Variants in CRYL1 observed in about 807,000 individuals in gnomAD.
The protein encoded by CRYL1 is crystallin lambda 1.
Under a neutral mutation model 36.6 loss-of-function variants are expected in CRYL1, and 29 were observed. The observed-to-expected ratio is 0.79, with a 90% confidence interval of 0.59 to 1.08. The LOEUF is 1.08. CRYL1 is among the 50% of genes least tolerant of loss of function. CRYL1 has a pLI of 0.00. For missense variants in CRYL1, 411 were observed against 407.9 expected, an observed-to-expected ratio of 1.01 and a Z score of -0.06; for synonymous variants, 152 against 151.5, an observed-to-expected ratio of 1.00 and a Z score of -0.02.
At chr13:20,482,739 C>G (rs1243235073) in intron 3 of CRYL1, among the ~76,000 whole-genome samples, 2 of 150,814 alleles carry the variant, frequency 1.3e-5, no homozygotes, top group South Asian at 2.1e-4. Flanking sequence ...GGCAAGCAGT[C>G]TGTGTGTGTG....
chr13:20,424,723 A>G (rs1437717100), intron 5 of CRYL1, among the ~76,000 whole-genome samples: 5 of 152,204 alleles, frequency 3.3e-5, no homozygotes, highest in South Asian at 4.1e-4. Context: ...GAGCCCGCAC[A>G]GGCCTAGCCC....
intron 2 of CRYL1, among the ~76,000 whole-genome samples, chr13:20,504,089 AGT>A (rs1163121677): frequency 1.1e-4 from 17 of 152,182 alleles, no homozygotes; most frequent in Admixed American, 9.8e-4. Flanking sequence ...CAGACAAGGC[AGT>A]GTGTTTGGCT....
chr13:20,525,622 G>T lies in CRYL1; in HGVS notation c.41+132C>A. On this transcript the variant is annotated intron_variant, in intron 1 of 7. Transcript: ENST00000298248. This position sits in a 1 kb window ranked among gnomAD's most constrained non-coding sequence, Gnocchi z 4.3. ...AGCGCCGTAGGGGCCGCAGGGCGCA[G>T]GGCTTCGGAGGACCGGAGGCCGGGG... is the stretch of plus-strand genomic sequence containing the variant. 1.4e-6 allele frequency: 1 copy of T among 725,898 alleles called. No individual in the cohort carries two copies. The highest frequency in any genetic ancestry group is 1.9e-6 in the Non-Finnish European group (1 of 527,398). 45.0% of individuals were successfully genotyped at this position (725,898 alleles called of 1,614,324 possible). A position where few individuals can be genotyped will look rare whatever the true frequency, so the allele number is the denominator to read the frequency against.
intron 3 of CRYL1, among the ~76,000 whole-genome samples, chr13:20,467,548 G>A (rs2032964212): frequency 1.3e-5 from 2 of 152,116 alleles, no homozygotes; most frequent in Non-Finnish European, 2.9e-5. Context: ...TGGGCCTTGC[G>A]TGGTAGCTCA....
intron 3 of CRYL1, among the ~76,000 whole-genome samples, chr13:20,488,927 G>A (rs185321309): frequency 6.6e-6 from 1 of 152,360 alleles, no homozygotes; most frequent in East Asian, 1.9e-4. Context: ...TTAAAGTAAA[G>A]TTGTTGGAAA....
intron 3 of CRYL1, among the ~76,000 whole-genome samples, chr13:20,488,943 C>T (rs949883593): frequency 2.6e-5 from 4 of 152,250 alleles, no homozygotes; most frequent in South Asian, 2.1e-4. Context: ...GGAAAGGCTA[C>T]ATGCAAGTGA....
chr13:20,404,811 A>G, intron 6 of CRYL1, 70 bp from the exon 7 acceptor site: 1 of 1,086,984 alleles, frequency 9.2e-7, no homozygotes, highest in Non-Finnish European at 1.4e-6. Flanking sequence ...CAAACTCAGA[A>G]ATGCATTCAG....
chr13:20,451,636 G>A (rs1168112844), intron 3 of CRYL1, among the ~76,000 whole-genome samples: 1 of 152,176 alleles, frequency 6.6e-6, no homozygotes, highest in Non-Finnish European at 1.5e-5. Flanking sequence ...AAAAACAACA[G>A]ATGCTGGCAA....
chr13:20,457,273 A>C (rs547946281), intron 3 of CRYL1, among the ~76,000 whole-genome samples: 1 of 152,294 alleles, frequency 6.6e-6, no homozygotes, highest in South Asian at 2.1e-4. Flanking sequence ...TAAAGTTAGA[A>C]GTTAATCCCT....
rs576758674 is a variant in CRYL1 at position 20,484,877 on chromosome 13, A to G, written c.276+4493T>C. On this transcript the variant is annotated intron_variant, in intron 3 of 7. Transcript: ENST00000298248. ...AGAGATGTTTAATTAGGTAAGATACATGTTTAACATTACATTGTGTTAGAA... is the reference window on the plus strand; with the variant it reads ...AGAGATGTTTAATTAGGTAAGATACGTGTTTAACATTACATTGTGTTAGAA... 2.0e-4 allele frequency among the ~76,000 whole-genome samples: 30 copies of G among 152,360 alleles called. No homozygotes were observed. In the East Asian group the frequency reaches 5.4e-3, roughly 27 times the overall value.
At chr13:20,426,160 G>T (rs1332265464) in intron 5 of CRYL1, among the ~76,000 whole-genome samples, 1 of 152,126 alleles carries the variant, frequency 6.6e-6, no homozygotes, top group Non-Finnish European at 1.5e-5. Context: ...AGCGGGGCAG[G>T]TCTGGCTGGG....
At chr13:20,444,778 G>A (rs2032420380) in intron 3 of CRYL1, among the ~76,000 whole-genome samples, 1 of 152,232 alleles carries the variant, frequency 6.6e-6, no homozygotes, top group African/African-American at 2.4e-5. Context: ...GTGCAGTGGT[G>A]CGATCTCGGC....
chr13:20,496,378 A>T (rs975012062), intron 2 of CRYL1, among the ~76,000 whole-genome samples: 1 of 152,348 alleles, frequency 6.6e-6, no homozygotes, highest in African/African-American at 2.4e-5. Flanking sequence ...AAAATGGCAA[A>T]GATGGCCAAA....
intron 2 of CRYL1, among the ~76,000 whole-genome samples, chr13:20,490,666 G>A (rs1178614838): frequency 6.6e-6 from 1 of 151,822 alleles, no homozygotes; most frequent in Non-Finnish European, 1.5e-5. Context: ...GGATGGGGTG[G>A]GGGGGCATGT....
chr13:20,504,841 G>A (rs943234917), intron 2 of CRYL1, among the ~76,000 whole-genome samples: 1 of 152,004 alleles, frequency 6.6e-6, no homozygotes. Flanking sequence ...CCCTTGGCAT[G>A]GTATGAGTTG....
rs568461291 is a variant in CRYL1 at position 20,474,359 on chromosome 13, A to G, written c.276+15011T>C. ...GTCCCGTCCCCAGCCGTTGCTGCATAGGGATGGGATGTAGGCTTCCTCTAA... is the reference window on the plus strand; with the variant it reads ...GTCCCGTCCCCAGCCGTTGCTGCATGGGGATGGGATGTAGGCTTCCTCTAA... On this transcript the variant is annotated intron_variant, in intron 3 of 7. Transcript: ENST00000298248. Among the ~76,000 whole-genome samples the G allele has an allele frequency of 7.9e-5, 12 of 152,256 alleles. No individual in the cohort carries two copies. The East Asian group carries it at 2.3e-3, about 29-fold the overall frequency.
At chr13:20,495,912 C>G (rs2033597946) in intron 2 of CRYL1, among the ~76,000 whole-genome samples, 1 of 152,196 alleles carries the variant, frequency 6.6e-6, no homozygotes, top group South Asian at 2.1e-4. Flanking sequence ...ATTCTCCTGC[C>G]TCAGCTTCCC....
At chr13:20,441,296 T>TG (rs980500579) in intron 3 of CRYL1, among the ~76,000 whole-genome samples, 7 of 152,158 alleles carry the variant, frequency 4.6e-5, no homozygotes, top group Non-Finnish European at 8.8e-5. Flanking sequence ...TCAGAGTCTC[T>TG]GGGGGTGGGT....
chr13:20,493,719 G>A (rs2033556571), intron 2 of CRYL1, among the ~76,000 whole-genome samples: 1 of 152,162 alleles, frequency 6.6e-6, no homozygotes, highest in South Asian at 2.1e-4. Context: ...CTTCCACAGT[G>A]GGCAGACTGG....
Sources: allele counts gnomAD v4.1 joint callset (sites outside exome capture counted in the v4.1 genomes callset), GRCh38; gene constraint gnomAD v4.1.1; non-coding constraint Gnocchi (gnomAD v3.1); transcripts MANE v1.5; gene names NCBI Gene and HGNC (gene_info 2026-07-23, HGNC 2026-07-21).